SOAT2: variants seen among roughly 807,000 people sequenced by gnomAD.
SOAT2 encodes sterol O-acyltransferase 2, also known as ACAT-2.
Under a neutral mutation model 76.0 loss-of-function variants are expected in SOAT2, and 87 were observed. The observed-to-expected ratio is 1.14, with a 90% CI of 0.96 to 1.37. SOAT2 has a LOEUF of 1.37. SOAT2 is among the 40% of genes most tolerant of loss of function. The pLI, the probability that SOAT2 is intolerant of heterozygous loss-of-function variation, is 0.00. For missense variants in SOAT2, 686 were observed against 682.1 expected (o/e 1.01, Z -0.06); for synonymous variants, 285 against 275.4 (o/e 1.03, Z -0.34).
rs1488080117 is a variant in SOAT2 at position 53,104,120 on chromosome 12, T to G, written c.83-31T>G. The stretch of plus-strand genomic sequence containing the variant: ...GGGTCTGCAGAACCCCAATTCCTCC[T>G]GTTGACTGTGCCTTTGATCCCTCCT... On this transcript the variant is annotated intron_variant, in intron 1 of 14. Coordinates refer to ENST00000301466, the MANE Select transcript of SOAT2 (RefSeq NM_003578.4). 4 of 1,604,312 alleles carry G rather than the reference T, an allele frequency of 2.5e-6. No homozygotes were observed. The African/African-American group carries it at 5.4e-5, about 21-fold the overall frequency.
At chr12:53,118,266 A>T in intron 7 of SOAT2, 84 bp from the exon 8 acceptor site, 1 of 651,554 alleles carries the variant, frequency 1.5e-6, no homozygotes, top group Non-Finnish European at 2.7e-6. Context: ...CCACTCACCA[A>T]TCCCACCACC....
At position 53,105,167 on chromosome 12, in the gene SOAT2, G is replaced by A; in HGVS notation, c.199G>A (p.Ala67Thr). ...QGQLRELLDR[A>T]MREAIQSYPS... The stretch of plus-strand genomic sequence containing the variant: ...ACAACTGAGGGAGCTGCTGGATCGG[G>A]CCATGCGGGAGGCTATACAATCCTA... Residue 67 changes from alanine (A) to threonine (T), a missense_variant, in exon 3 of 15, where the codon GCC becomes ACC. Physicochemically the swap from Ala to Thr is moderately conservative, Grantham distance 58. Coordinates refer to ENST00000301466, the MANE Select transcript of SOAT2 (RefSeq NM_003578.4). 6.3e-7 allele frequency: 1 copy of A among 1,585,708 alleles called. No homozygotes were observed.
chr12:53,110,165 T>C (rs1937991221), intron 5 of SOAT2, among the ~76,000 whole-genome samples: 1 of 152,254 alleles, frequency 6.6e-6, no homozygotes, highest in Non-Finnish European at 1.5e-5. Flanking sequence ...TTTACTTTTC[T>C]TATACACCTT....
intron 12 of SOAT2, 35 bp from the exon 13 acceptor site, chr12:53,123,046 A>T: frequency 6.3e-7 from 1 of 1,578,942 alleles, no homozygotes; most frequent in African/African-American, 1.4e-5. Flanking sequence ...GAGCTCAGGG[A>T]GACTTACTCT....
rs775181812 is a variant in SOAT2 at position 53,123,709 on chromosome 12, A to G, written c.1373-19A>G. 3 of 1,613,782 alleles carry G rather than the reference A, an allele frequency of 1.9e-6. No individual in the cohort carries two copies. Among genetic ancestry groups the G allele is most frequent in the African/African-American group, 2.7e-5 (2 of 74,866 alleles). ...AGGCACTCCTGGAGCTGGAATGACA[A>G]CCTTTCCTCCTGCACCAGGAATGTT... On this transcript the variant is annotated intron_variant, in intron 13 of 14. Transcript: ENST00000301466.
chr12:53,118,761 C>A (rs576868344), intron 8 of SOAT2, 129 bp from the exon 9 acceptor site: 4 of 989,836 alleles, frequency 4.0e-6, no homozygotes, highest in Non-Finnish European at 6.4e-6. Context: ...GACCCCACCA[C>A]CCTAGATAAT....
At chr12:53,118,854 A>C in intron 8 of SOAT2, 36 bp from the exon 9 acceptor site, 2 of 1,612,544 alleles carry the variant, frequency 1.2e-6, no homozygotes, top group East Asian at 2.2e-5. Flanking sequence ...ACAACATGAA[A>C]GAATGAGAAA....
chr12:53,114,730 C>CA (rs1485955886), intron 5 of SOAT2, among the ~76,000 whole-genome samples: 1 of 152,154 alleles, frequency 6.6e-6, no homozygotes, highest in Non-Finnish European at 1.5e-5. Context: ...CTAAAAAAAA[C>CA]AGTTTCTGAG....
rs2121311259 is a variant in SOAT2 at position 53,124,091 on chromosome 12, G to A, written c.1537G>A (p.Val513Met). The change falls in exon 15 of 15, where the codon GTG becomes ATG. Residue 513 changes from valine to methionine, a missense_variant. Coordinates refer to ENST00000301466, the MANE Select transcript of SOAT2 (RefSeq NM_003578.4). Reference sequence around the variant, plus strand: ...GGCTCAGGCAACTTTCTGGGGGCTGGTGACACCTCGATCTTGGTCCTGCCA... The same window carrying A: ...GGCTCAGGCAACTTTCTGGGGGCTGATGACACCTCGATCTTGGTCCTGCCA... ...PLPQATFWGL[V>M]TPRSWSCHT 2 of 1,614,174 alleles carry A rather than the reference G, an allele frequency of 1.2e-6. No individual in the cohort carries two copies. The highest frequency in any genetic ancestry group is 1.7e-6 in the Non-Finnish European group (2 of 1,180,020).
chr12:53,109,794 C>T (rs1937986332), intron 5 of SOAT2, among the ~76,000 whole-genome samples: 1 of 151,588 alleles, frequency 6.6e-6, no homozygotes, highest in Admixed American at 6.6e-5. Flanking sequence ...TGGCCTTAAA[C>T]CTAAGTCTTA....
At chr12:53,103,734 G>A in intron 1 of SOAT2, 75 bp downstream of exon 1, 1 of 1,172,284 alleles carries the variant, frequency 8.5e-7, no homozygotes, top group Non-Finnish European at 1.2e-6. Flanking sequence ...ATGGAGAGAA[G>A]GCTCCAACTG....
intron 5 of SOAT2, among the ~76,000 whole-genome samples, chr12:53,113,994 T>C (rs998206220): frequency 1.3e-5 from 2 of 152,134 alleles, no homozygotes; most frequent in African/African-American, 4.8e-5. Context: ...TAATCATGCT[T>C]TGAGGTTCAG....
chr12:53,105,303 T>C (rs1157824015), intron 3 of SOAT2, 60 bp downstream of exon 3: 1 of 1,554,322 alleles, frequency 6.4e-7, no homozygotes. Flanking sequence ...GCTAGAAACA[T>C]CACGTTATGT....
Position 53,124,418 on chromosome 12 carries a change from A to T in SOAT2, c.*295A>T, listed in dbSNP as rs1592281359. ...TAGGGAGACTTGGGGTACCTTATGG[A>T]TTTGATGAATGTGGGGGAACTCAGA... On this transcript the variant is annotated 3_prime_UTR_variant, in exon 15 of 15. Transcript: ENST00000301466. 3 of 424,792 alleles carry T rather than the reference A, an allele frequency of 7.1e-6. No individual in the cohort carries two copies. In the Admixed American group the frequency reaches 1.1e-4, roughly 16 times the overall value. The allele number at this position is 424,792 out of a possible 1,614,324, so 26.3% of individuals were successfully genotyped here. A position where few individuals can be genotyped will look rare whatever the true frequency, so the allele number is the denominator to read the frequency against.
intron 5 of SOAT2, among the ~76,000 whole-genome samples, chr12:53,114,207 C>T (rs1341420652): frequency 6.6e-6 from 1 of 152,050 alleles, no homozygotes; most frequent in Non-Finnish European, 1.5e-5. Context: ...CTCCAAGGAT[C>T]CACAGGCTCA....
At chr12:53,115,796 CGGGGGTGGAGTCCATTACGAGGGATTT>C (rs1938098973) in intron 6 of SOAT2, 142 bp downstream of exon 6, 2 of 1,075,012 alleles carry the variant, frequency 1.9e-6, no homozygotes, top group African/African-American at 3.2e-5. Context: ...AGCTAGTTAC[CGGGGGTGGAGTCCATTACGAGGGATTT>C]GGGGAACCTG....
chr12:53,112,796 T>TTC (rs1334223765), intron 5 of SOAT2, among the ~76,000 whole-genome samples: 1 of 148,876 alleles, frequency 6.7e-6, no homozygotes, highest in Admixed American at 6.7e-5. Context: ...TTTTTTTTTT[T>TTC]TTAAGACAGA....
At chr12:53,119,668 T>C (rs1017431129) in intron 10 of SOAT2, among the ~76,000 whole-genome samples, 14 of 88,394 alleles carry the variant, frequency 1.6e-4, no homozygotes, top group East Asian at 9.4e-4. Context: ...TGTGCTTCCA[T>C]GCCTCCAGGC....
At chr12:53,118,148 G>T (rs1159560771) in intron 7 of SOAT2, among the ~76,000 whole-genome samples, 1 of 151,954 alleles carries the variant, frequency 6.6e-6, no homozygotes, top group Non-Finnish European at 1.5e-5. Flanking sequence ...CAGAAGAGAT[G>T]GTGTTAAAGA....
Sources: gnomAD v4.1 joint callset for allele counts (sites outside exome capture counted in the v4.1 genomes callset) on GRCh38, gnomAD v4.1.1 for gene constraint, MANE v1.5 for transcripts, NCBI Gene and HGNC (gene_info 2026-07-23, HGNC 2026-07-21) for gene names.